The following REPS2 variants were observed in gnomAD, a reference collection of about 807,000 sequenced individuals.
REPS2 encodes RALBP1 associated Eps domain containing 2.
REPS2 carries 23 observed loss-of-function variants against 53.6 expected under a neutral mutation model. That is an observed-to-expected ratio of 0.43 (90% CI 0.31 to 0.61). REPS2 has a LOEUF of 0.61. Ranked by LOEUF, REPS2 falls within the 20% of genes least tolerant of loss-of-function variation. The probability of loss-of-function intolerance (pLI) is 0.11; values close to 1 mark genes in which losing one functional copy is unlikely to be tolerated. For missense variants in REPS2, 446 were observed against 534.9 expected, an observed-to-expected ratio of 0.83 and a Z score of 1.64; for synonymous variants, 238 against 218.6, an observed-to-expected ratio of 1.09 and a Z score of -0.78.
At chrX:16,951,261 C>A (rs1197860749) in intron 1 of REPS2, among the ~76,000 whole-genome samples, 2 of 111,439 alleles carry the variant, frequency 1.8e-5, no homozygotes, top group Non-Finnish European at 3.8e-5. Context: ...TTTTCTTTTT[C>A]TAGTTTAAAA....
At chrX:17,129,769 A>G (rs2063267798) in intron 14 of REPS2, among the ~76,000 whole-genome samples, 1 of 112,295 alleles carries the variant, frequency 8.9e-6, no homozygotes, top group Non-Finnish European at 1.9e-5. Context: ...TTATGTTGAA[A>G]AAGGGTCCAT....
chrX:17,037,600 G>T (rs2061782458), intron 5 of REPS2, among the ~76,000 whole-genome samples: 1 of 112,821 alleles, frequency 8.9e-6, no homozygotes, highest in Non-Finnish European at 1.9e-5. Context: ...ACAGGCGTGA[G>T]CCACCATGCC....
intron 1 of REPS2, among the ~76,000 whole-genome samples, chrX:16,972,113 A>G (rs189435876): frequency 2.9e-4 from 33 of 112,022 alleles, no homozygotes; most frequent in African/African-American, 8.7e-4. Flanking sequence ...TTTAGCAGCC[A>G]TCCCAAAGTG....
At chrX:17,121,218 A>G (rs2063136653) in intron 14 of REPS2, among the ~76,000 whole-genome samples, 1 of 111,995 alleles carries the variant, frequency 8.9e-6, no homozygotes, top group East Asian at 2.8e-4. Flanking sequence ...GTCCAGAGAA[A>G]ATGGGGTGAA....
At chrX:16,951,963 A>G (rs1205803706) in intron 1 of REPS2, among the ~76,000 whole-genome samples, 2 of 111,824 alleles carry the variant, frequency 1.8e-5, no homozygotes, top group South Asian at 3.7e-4. Flanking sequence ...AAGCCAAGTA[A>G]CAGAAGAGTA....
At chrX:17,052,859 G>C (rs761635176) in intron 7 of REPS2, among the ~76,000 whole-genome samples, 1 of 111,681 alleles carries the variant, frequency 9.0e-6, no homozygotes, top group African/African-American at 3.3e-5. Flanking sequence ...GAAGGTTGAG[G>C]AATATTTTGG....
At chrX:17,058,450 CTCA>C (rs2062105636) in intron 8 of REPS2, among the ~76,000 whole-genome samples, 2 of 32,345 alleles carry the variant, frequency 6.2e-5, no homozygotes, top group East Asian at 1.7e-3. Context: ...TAGACTCCTT[CTCA>C]AAAAAAAAAA....
chrX:17,086,415 T>C (rs143425621), intron 13 of REPS2, among the ~76,000 whole-genome samples: 1,650 of 112,613 alleles, frequency 0.015, 11 homozygotes, highest in Non-Finnish European at 0.023. Flanking sequence ...TTATCAGCTA[T>C]TGATCATCAT....
At chrX:17,158,056 A>G (rs755632706), downstream of REPS2, among the ~76,000 whole-genome samples, 9 of 111,724 alleles carry the variant, frequency 8.1e-5, no homozygotes, top group Non-Finnish European at 1.3e-4. Flanking sequence ...GAGAGACTCA[A>G]TATCTCGCCT....
intron 13 of REPS2, among the ~76,000 whole-genome samples, chrX:17,095,226 T>C (rs1230506015): frequency 8.9e-6 from 1 of 112,280 alleles, no homozygotes; most frequent in Non-Finnish European, 1.9e-5. Context: ...GATCCCTTGA[T>C]ATCAACTCTT....
At chrX:17,030,517 T>A (rs1313870471) in intron 5 of REPS2, among the ~76,000 whole-genome samples, 1 of 111,666 alleles carries the variant, frequency 9.0e-6, no homozygotes, top group Non-Finnish European at 1.9e-5. Flanking sequence ...TAGGTTGGAA[T>A]AGGATAAACA....
At chrX:17,139,598 T>C (rs2063416751) in intron 17 of REPS2, among the ~76,000 whole-genome samples, 1 of 111,518 alleles carries the variant, frequency 9.0e-6, no homozygotes. Context: ...AATGATTCTC[T>C]CACAGCTCTG....
intron 5 of REPS2, among the ~76,000 whole-genome samples, chrX:17,031,248 G>C (rs1178821282): frequency 8.9e-6 from 1 of 112,074 alleles, no homozygotes; most frequent in African/African-American, 3.2e-5. Context: ...TGGGAATACA[G>C]AGGCCAGATC....
intron 4 of REPS2, among the ~76,000 whole-genome samples, chrX:17,028,083 G>A (rs1173821140): frequency 1.8e-5 from 2 of 111,442 alleles, no homozygotes; most frequent in African/African-American, 6.5e-5. Context: ...CCCTACTGAT[G>A]AGATAGGTCT....
At chrX:17,106,654 T>A (rs746153995) in intron 14 of REPS2, among the ~76,000 whole-genome samples, 2 of 111,185 alleles carry the variant, frequency 1.8e-5, no homozygotes, top group African/African-American at 6.5e-5. Context: ...GACCTCGTGA[T>A]CCACCTGCCT....
At chrX:17,154,400 C>T (rs2063595856), downstream of REPS2, among the ~76,000 whole-genome samples, 1 of 112,359 alleles carries the variant, frequency 8.9e-6, no homozygotes, top group Admixed American at 9.4e-5. Flanking sequence ...ACTCCTTCCC[C>T]CAAGGAGCCC....
rs182947584 is a variant in REPS2 at position 17,097,206 on chromosome X, C to T, written c.1517-6512C>T. On this transcript the variant is annotated intron_variant, in intron 13 of 17. Transcript: ENST00000357277. Reference sequence around the variant, plus strand: ...AAACCAGAAGGCAGTGGAATGTTACCGTCAATGTGCTGGGAGAAAATAGCT... The same window carrying T: ...AAACCAGAAGGCAGTGGAATGTTACTGTCAATGTGCTGGGAGAAAATAGCT... Among the ~76,000 whole-genome samples, 50 of 111,738 alleles carry T rather than the reference C, an allele frequency of 4.5e-4. No individual in the cohort carries two copies. In the South Asian group the frequency reaches 0.016, roughly 36 times the overall value.
intron 1 of REPS2, among the ~76,000 whole-genome samples, chrX:17,005,430 A>G (rs1280440299): frequency 9.0e-6 from 1 of 111,425 alleles, no homozygotes; most frequent in Non-Finnish European, 1.9e-5. Flanking sequence ...ACAATTACTA[A>G]CTCTTGGTTA....
chrX:16,979,809 T>C (rs995299328), intron 1 of REPS2, among the ~76,000 whole-genome samples: 1 of 110,274 alleles, frequency 9.1e-6, no homozygotes, highest in Admixed American at 9.7e-5. Flanking sequence ...TTTTTTTTTT[T>C]CCACACATGG....
Sources: allele counts gnomAD v4.1 joint callset (sites outside exome capture counted in the v4.1 genomes callset), GRCh38; gene constraint gnomAD v4.1.1; transcripts MANE v1.5; gene names NCBI Gene and HGNC (gene_info 2026-07-23, HGNC 2026-07-21).